The following TBC1D19 variants were observed in gnomAD, a reference collection of about 807,000 sequenced individuals.
TBC1D19 encodes TBC1 domain family, member 19.
In TBC1D19, 60 loss-of-function variants were observed where a neutral mutation model predicts 89.0. The observed-to-expected ratio is 0.67, with a 90% CI of 0.55 to 0.84. The LOEUF (loss-of-function observed/expected upper bound fraction) is 0.84, where lower values mean the gene tolerates loss of function less well. Among genes scored for constraint, TBC1D19 ranks in the 40% least tolerant of loss-of-function variants. The pLI is 0.00. For synonymous variants in TBC1D19, 189 were observed against 199.7 expected (o/e 0.95, Z 0.45); for missense variants, 500 against 610.8 (o/e 0.82, Z 1.91).
At chr4:26,634,694 T>C (rs568542736) in intron 4 of TBC1D19, among the ~76,000 whole-genome samples, 2 of 152,304 alleles carry the variant, frequency 1.3e-5, no homozygotes, top group Non-Finnish European at 2.9e-5. Flanking sequence ...GTTTTGTGTA[T>C]ACTTTACGGT....
intron 4 of TBC1D19, among the ~76,000 whole-genome samples, chr4:26,628,054 A>G (rs376712595): frequency 6.6e-6 from 1 of 152,080 alleles, no homozygotes; most frequent in Admixed American, 6.6e-5. Context: ...ATCTTGAATT[A>G]ATTTTTGTAT....
chr4:26,701,843 A>G (rs1441841579), intron 13 of TBC1D19, among the ~76,000 whole-genome samples: 1 of 152,200 alleles, frequency 6.6e-6, no homozygotes, highest in Non-Finnish European at 1.5e-5. Context: ...GATCCAGAAC[A>G]TGAAACTGTT....
chr4:26,783,694 G>A, the TBC1D19 span, among the ~76,000 whole-genome samples: 3 of 152,204 alleles, frequency 2.0e-5, no homozygotes, highest in Non-Finnish European at 4.4e-5. Flanking sequence ...TGGCAATACA[G>A]TGTCAAAATA....
At chr4:26,579,032 A>G (rs1296467674) in intron 1 of TBC1D19, among the ~76,000 whole-genome samples, 1 of 152,158 alleles carries the variant, frequency 6.6e-6, no homozygotes, top group Non-Finnish European at 1.5e-5. Context: ...GGTTAGCCTT[A>G]TTTGTGTTTA....
intron 9 of TBC1D19, among the ~76,000 whole-genome samples, chr4:26,670,976 T>C (rs1233014433): frequency 6.6e-6 from 1 of 151,326 alleles, no homozygotes; most frequent in African/African-American, 2.4e-5. Flanking sequence ...GATTACATTT[T>C]TGGTTATTAT....
At chr4:26,791,075 A>G in the TBC1D19 span, among the ~76,000 whole-genome samples, 2 of 152,028 alleles carry the variant, frequency 1.3e-5, no homozygotes, top group Non-Finnish European at 2.9e-5. Flanking sequence ...TTTTCTCTGC[A>G]TCCTCTCTGT....
At chr4:26,725,432 G>A (rs1717249820) in intron 15 of TBC1D19, among the ~76,000 whole-genome samples, 1 of 151,702 alleles carries the variant, frequency 6.6e-6, no homozygotes, top group African/African-American at 2.4e-5. Flanking sequence ...CTCCCCCCAA[G>A]ACAAAGTCTT....
the TBC1D19 span, among the ~76,000 whole-genome samples, chr4:26,798,924 G>A: frequency 6.6e-6 from 1 of 151,976 alleles, no homozygotes; most frequent in Non-Finnish European, 1.5e-5. Context: ...AACTTATCTG[G>A]TACAATGTTC....
At chr4:26,786,541 G>A in the TBC1D19 span, among the ~76,000 whole-genome samples, 214 of 152,218 alleles carry the variant, frequency 1.4e-3, 2 homozygotes, top group African/African-American at 4.9e-3. Context: ...GGCTGAGGCA[G>A]TGCCTAAACT....
intron 1 of TBC1D19, among the ~76,000 whole-genome samples, chr4:26,605,730 T>C (rs1577788669): frequency 6.6e-6 from 1 of 152,330 alleles, no homozygotes; most frequent in South Asian, 2.1e-4. Flanking sequence ...TTCCTGACTT[T>C]TTAATGATCG....
intron 12 of TBC1D19, among the ~76,000 whole-genome samples, chr4:26,683,982 T>C (rs967852773): frequency 6.6e-6 from 1 of 152,194 alleles, no homozygotes; most frequent in African/African-American, 2.4e-5. Flanking sequence ...AGTCCTCCTA[T>C]TTTTTGATTA....
At chr4:26,671,425 T>C (rs559211131) in intron 9 of TBC1D19, among the ~76,000 whole-genome samples, 1 of 151,944 alleles carries the variant, frequency 6.6e-6, no homozygotes, top group East Asian at 1.9e-4. Context: ...ATATTCTGAA[T>C]AGGAGTCTTT....
chr4:26,675,485 A>G (rs891777968), intron 11 of TBC1D19, among the ~76,000 whole-genome samples: 2 of 152,124 alleles, frequency 1.3e-5, no homozygotes, highest in African/African-American at 2.4e-5. Flanking sequence ...AGTCTATTCA[A>G]TATCTGTAAA....
intron 4 of TBC1D19, among the ~76,000 whole-genome samples, chr4:26,629,286 C>G (rs1742639515): frequency 1.3e-5 from 2 of 152,150 alleles, no homozygotes; most frequent in South Asian, 2.1e-4. Context: ...TTTAGGATGG[C>G]TCTCTGACTC....
intron 19 of TBC1D19, among the ~76,000 whole-genome samples, chr4:26,750,719 A>C (rs892351687): frequency 6.6e-6 from 1 of 152,256 alleles, no homozygotes; most frequent in African/African-American, 2.4e-5. Context: ...ACAGGGAAGA[A>C]TTCTGGAACA....
chr4:26,662,346 A>G (rs963235450), intron 8 of TBC1D19, among the ~76,000 whole-genome samples: 6 of 152,238 alleles, frequency 3.9e-5, no homozygotes, highest in South Asian at 2.1e-4. Flanking sequence ...TATGCCAAAA[A>G]ATACATATCA....
At chr4:26,791,565 C>A in the TBC1D19 span, among the ~76,000 whole-genome samples, 1 of 152,114 alleles carries the variant, frequency 6.6e-6, no homozygotes, top group African/African-American at 2.4e-5. Flanking sequence ...GTTGGGAGCC[C>A]AACACAGTAA....
chr4:26,654,107 G>A (rs572644118), intron 7 of TBC1D19, among the ~76,000 whole-genome samples: 1 of 152,262 alleles, frequency 6.6e-6, no homozygotes, highest in East Asian at 1.9e-4. Flanking sequence ...TGTATGTAAA[G>A]GATTTTATTT....
chr4:26,743,994 A>T (rs1191433621), intron 18 of TBC1D19, among the ~76,000 whole-genome samples: 1 of 151,692 alleles, frequency 6.6e-6, no homozygotes, highest in East Asian at 1.9e-4. Flanking sequence ...TAAAAATTCT[A>T]ATTGTCAAGG....
Sources: allele counts gnomAD v4.1 joint callset (sites outside exome capture counted in the v4.1 genomes callset), GRCh38; gene constraint gnomAD v4.1.1; transcripts MANE v1.5; gene names NCBI Gene and HGNC (gene_info 2026-07-23, HGNC 2026-07-21).